KCNK9: variants seen among roughly 807,000 people sequenced by gnomAD.
The protein encoded by KCNK9 is potassium two pore domain channel subfamily K member 9, also known as potassium channel subfamily K member 9.
A neutral mutation model predicts 10.8 loss-of-function variants in KCNK9; 1 was observed. The ratio of observed to expected loss-of-function variants is 0.09; its 90% CI spans 0.03 to 0.44. The LOEUF (loss-of-function observed/expected upper bound fraction) is 0.44, where lower values mean the gene tolerates loss of function less well. Among genes scored for constraint, KCNK9 ranks in the 20% least tolerant of loss-of-function variants. KCNK9 has a pLI of 0.97. For missense variants in KCNK9, 303 were observed against 515.0 expected (o/e 0.59, Z 3.98); for synonymous variants, 231 against 222.7 (o/e 1.04, Z -0.33).
intron 1 of KCNK9, among the ~76,000 whole-genome samples, chr8:139,691,799 G>A (rs897429140): frequency 1.3e-5 from 2 of 152,102 alleles, no homozygotes; most frequent in African/African-American, 4.8e-5. Context: ...GACCCCGTGG[G>A]CACCTCCCAA....
chr8:139,677,638 CAA>C (rs1356121678), intron 1 of KCNK9, among the ~76,000 whole-genome samples: 4 of 152,150 alleles, frequency 2.6e-5, no homozygotes, highest in African/African-American at 9.7e-5. Flanking sequence ...CATCCCAGCC[CAA>C]CAAGACCCCA....
At chr8:139,675,049 C>G (rs1205687129) in intron 1 of KCNK9, among the ~76,000 whole-genome samples, 1 of 152,216 alleles carries the variant, frequency 6.6e-6, no homozygotes, top group Non-Finnish European at 1.5e-5. Flanking sequence ...AATCCTGGCT[C>G]TCTACTTTTT....
At chr8:139,690,564 G>A (rs1816915953) in intron 1 of KCNK9, among the ~76,000 whole-genome samples, 1 of 152,172 alleles carries the variant, frequency 6.6e-6, no homozygotes, top group African/African-American at 2.4e-5. Flanking sequence ...CAGTGATGCT[G>A]CCATCCTGAG....
intron 1 of KCNK9, among the ~76,000 whole-genome samples, chr8:139,672,721 G>A (rs898669918): frequency 2.0e-5 from 3 of 152,212 alleles, no homozygotes; most frequent in Admixed American, 1.3e-4. Flanking sequence ...CAAGAACTGG[G>A]TCTCCAGTCC....
intron 1 of KCNK9, among the ~76,000 whole-genome samples, chr8:139,629,419 A>G (rs1168515462): frequency 2.0e-5 from 3 of 152,240 alleles, no homozygotes. Context: ...AAGTATTTGT[A>G]CCCATGTATT....
chr8:139,694,893 C>T (rs1817015594), intron 1 of KCNK9, among the ~76,000 whole-genome samples: 1 of 152,300 alleles, frequency 6.6e-6, no homozygotes, highest in South Asian at 2.1e-4. Flanking sequence ...CTGGTTGACC[C>T]CAAGACCCCA....
intron 1 of KCNK9, among the ~76,000 whole-genome samples, chr8:139,696,964 G>A (rs1028769278): frequency 6.6e-6 from 1 of 150,510 alleles, no homozygotes; most frequent in Non-Finnish European, 1.5e-5. Flanking sequence ...TGAATAGATG[G>A]ATGGATGGGT....
At chr8:139,684,841 T>C (rs1481619278) in intron 1 of KCNK9, among the ~76,000 whole-genome samples, 1 of 152,204 alleles carries the variant, frequency 6.6e-6, no homozygotes, top group Non-Finnish European at 1.5e-5. Context: ...CACATCAAAA[T>C]GCCTATAGAG....
intron 1 of KCNK9, among the ~76,000 whole-genome samples, chr8:139,700,515 C>T (rs1051319552): frequency 5.8e-5 from 8 of 137,876 alleles, no homozygotes; most frequent in Non-Finnish European, 1.1e-4. Flanking sequence ...CACACGCGCG[C>T]GCGCGCACAC....
At chr8:139,692,084 C>T (rs985941961) in intron 1 of KCNK9, among the ~76,000 whole-genome samples, 1 of 152,178 alleles carries the variant, frequency 6.6e-6, no homozygotes, top group East Asian at 1.9e-4. Flanking sequence ...CACCATGGAA[C>T]CATGAGACAC....
Position 139,678,122 on chromosome 8 carries a change from G to T in KCNK9, c.283+24588C>A, listed in dbSNP as rs79377548. Among the ~76,000 whole-genome samples, 1,181 of 152,330 alleles carry T rather than the reference G, an allele frequency of 7.8e-3. 12 individuals carry two copies. The highest frequency in any genetic ancestry group is 0.027 in the African/African-American group (1,129 of 41,552). On this transcript the variant is annotated intron_variant, in intron 1 of 1. Coordinates refer to ENST00000520439, the MANE Select transcript of KCNK9 (RefSeq NM_001282534.2). Reference sequence around the variant, plus strand: ...GGTGCCAAAGGCTGCCCCCTGCTTGGCCCTGGAGGTGACTGGACTCGTGTT... The same window carrying T: ...GGTGCCAAAGGCTGCCCCCTGCTTGTCCCTGGAGGTGACTGGACTCGTGTT...
At chr8:139,698,009 C>T (rs1310152274) in intron 1 of KCNK9, among the ~76,000 whole-genome samples, 1 of 152,164 alleles carries the variant, frequency 6.6e-6, no homozygotes, top group Admixed American at 6.5e-5. Context: ...CCCTAGTAGG[C>T]CCTTCATCTG....
At chr8:139,616,762 G>A (rs1814602800), downstream of KCNK9, 1 of 152,226 alleles carries the variant, frequency 6.6e-6, no homozygotes, top group Non-Finnish European at 1.5e-5. Context: ...AGGAATGGGA[G>A]GATGGATGAA....
At chr8:139,630,173 T>A (rs761329954) in intron 1 of KCNK9, among the ~76,000 whole-genome samples, 5 of 152,274 alleles carry the variant, frequency 3.3e-5, no homozygotes, top group Admixed American at 1.3e-4. Flanking sequence ...AATTGTACAC[T>A]GAACTATACT....
chr8:139,647,669 G>A (rs934261250), intron 1 of KCNK9, among the ~76,000 whole-genome samples: 8 of 152,178 alleles, frequency 5.3e-5, no homozygotes, highest in African/African-American at 1.7e-4. Flanking sequence ...GTGATGGCAG[G>A]GAGGTCACAG....
At chr8:139,622,669 C>A (rs2130114851) in intron 1 of KCNK9, among the ~76,000 whole-genome samples, 1 of 152,334 alleles carries the variant, frequency 6.6e-6, no homozygotes, top group East Asian at 1.9e-4. Context: ...ATTTATTAAT[C>A]ATTCAGTGTG....
chr8:139,615,775 T>G (rs1338207185), downstream of KCNK9: 1 of 151,932 alleles, frequency 6.6e-6, no homozygotes, highest in Non-Finnish European at 1.5e-5. Context: ...GAAGAGAGAA[T>G]GTTTTCTATA....
At chr8:139,648,712 G>C (rs368257065) in intron 1 of KCNK9, among the ~76,000 whole-genome samples, 1 of 152,216 alleles carries the variant, frequency 6.6e-6, no homozygotes, top group Non-Finnish European at 1.5e-5. Context: ...GGGTAAGGAC[G>C]CGGCCCCTGC....
chr8:139,671,485 G>A (rs1400678959), intron 1 of KCNK9, among the ~76,000 whole-genome samples: 1 of 151,546 alleles, frequency 6.6e-6, no homozygotes, highest in Non-Finnish European at 1.5e-5. Context: ...GCCACTTGCT[G>A]GCGTTCATTC....
Sources: allele counts gnomAD v4.1 joint callset (sites outside exome capture counted in the v4.1 genomes callset), GRCh38; gene constraint gnomAD v4.1.1; transcripts MANE v1.5; gene names NCBI Gene and HGNC (gene_info 2026-07-23, HGNC 2026-07-21).